E2F8: variants seen among roughly 807,000 people sequenced by gnomAD.
E2F8 encodes the protein transcription factor E2F8.
E2F8 carries 35 observed loss-of-function variants against 80.8 expected under a neutral mutation model. The ratio of observed to expected loss-of-function variants is 0.43; its 90% confidence interval spans 0.33 to 0.57. The LOEUF is 0.57. Ranked by LOEUF, E2F8 falls within the 20% of genes least tolerant of loss-of-function variation. E2F8 has a pLI of 0.04. For synonymous variants in E2F8, 386 were observed against 395.0 expected (o/e 0.98, Z 0.27); for missense variants, 975 against 1,056.2 (o/e 0.92, Z 1.07).
Position 19,230,723 on chromosome 11 carries a change from C to T in E2F8, c.1178G>A (p.Arg393Gln), listed in dbSNP as rs1382432966. Reference sequence around the variant, plus strand: ...TACCAATTTGATAAGAGATGGGTGTCGAGTAAAGTTTGGTTTCCCACGTGT... The same window carrying T: ...TACCAATTTGATAAGAGATGGGTGTTGAGTAAAGTTTGGTTTCCCACGTGT... ...FSTRGKPNFTRHPSLIKLVKS... is the reference protein window; with the variant it reads ...FSTRGKPNFTQHPSLIKLVKS... Residue 393 changes from arginine to glutamine, a missense_variant, in exon 8 of 13, where the codon CGA becomes CAA. By Grantham distance (43) the Arg-to-Gln change is conservative (BLOSUM62 1). Coordinates refer to ENST00000250024, the MANE Select transcript of E2F8 (RefSeq NM_024680.4). 5.0e-6 allele frequency: 8 copies of T among 1,614,048 alleles called. No homozygotes were observed. The highest frequency in any genetic ancestry group is 5.1e-6 in the Non-Finnish European group (6 of 1,180,004).
intron 10 of E2F8, among the ~76,000 whole-genome samples, chr11:19,227,789 A>G (rs1851273727): frequency 6.6e-6 from 1 of 152,250 alleles, no homozygotes; most frequent in South Asian, 2.1e-4. Context: ...CCATACTAAA[A>G]CGAAATGGTT....
intron 4 of E2F8, among the ~76,000 whole-genome samples, chr11:19,236,854 A>G (rs928872141): frequency 2.0e-5 from 3 of 152,222 alleles, no homozygotes; most frequent in Non-Finnish European, 4.4e-5. Context: ...GCCCAACACA[A>G]AACATTCAGA....
intron 12 of E2F8, 33 bp from the exon 13 acceptor site, chr11:19,224,873 T>G: frequency 6.2e-7 from 1 of 1,611,306 alleles, no homozygotes; most frequent in Non-Finnish European, 8.5e-7. Context: ...ACAAAAGAAG[T>G]CAACCACACA....
At position 19,229,358 on chromosome 11, in the gene E2F8, G is replaced by T; in HGVS notation, c.1893+96C>A. On this transcript the variant is annotated intron_variant, in intron 10 of 12. Coordinates refer to ENST00000250024, the MANE Select transcript of E2F8 (RefSeq NM_024680.4). This position sits in a 1 kb window ranked among gnomAD's most constrained non-coding sequence, Gnocchi z 4.3. ...GCTAAGGAACAGTTCCTTGTCTTCTGAGAGAATGCTCTTCGGTAAATTTCA... is the reference window on the plus strand; with the variant it reads ...GCTAAGGAACAGTTCCTTGTCTTCTTAGAGAATGCTCTTCGGTAAATTTCA... The T allele has an allele frequency of 6.8e-7, 1 of 1,477,482 alleles. No individual in the cohort carries two copies. The allele number at this position is 1,477,482 out of a possible 1,614,324, so 91.5% of individuals were successfully genotyped here. A position where few individuals can be genotyped will look rare whatever the true frequency, so the allele number is the denominator to read the frequency against.
Position 19,229,521 on chromosome 11 carries a change from A to C in E2F8, c.1826T>G (p.Met609Arg). 6.2e-7 allele frequency: 1 copy of C among 1,614,192 alleles called. No homozygotes were observed. The highest frequency in any genetic ancestry group is 8.5e-7 in the Non-Finnish European group (1 of 1,180,040). ...AGERGSKRAS[M>R]LEDSGSKKKF... ...CTTTTTGGAACCACTGTCCTCGAGC[A>C]TGCTTGCCCTCTTTGAGCCTCTTTC... Residue 609 changes from methionine to arginine, a missense_variant, in exon 10 of 13, where the codon ATG becomes AGG. Coordinates refer to ENST00000250024, the MANE Select transcript of E2F8 (RefSeq NM_024680.4). This position sits in a 1 kb window ranked among gnomAD's most constrained non-coding sequence, Gnocchi z 4.3.
At chr11:19,233,940 G>A (rs1249509368) in intron 6 of E2F8, among the ~76,000 whole-genome samples, 1 of 151,430 alleles carries the variant, frequency 6.6e-6, no homozygotes, top group Non-Finnish European at 1.5e-5. Flanking sequence ...ACGAGGTCAA[G>A]AGATCGAGAT....
At chr11:19,234,070 C>A (rs1851448493) in intron 6 of E2F8, among the ~76,000 whole-genome samples, 1 of 149,914 alleles carries the variant, frequency 6.7e-6, no homozygotes, top group African/African-American at 2.5e-5. Flanking sequence ...ATTGCTGGAA[C>A]CCGGGAGGCA....
rs763917035 is a variant in E2F8, at chr11:19,229,673, G to A, written c.1674C>T (p.Ser558=). 2 of 1,614,184 alleles carry A rather than the reference G, an allele frequency of 1.2e-6. No individual in the cohort carries two copies. Among genetic ancestry groups the A allele is most frequent in the African/African-American group, 2.7e-5 (2 of 75,040 alleles). Residue 558 remains serine, a synonymous_variant, in exon 10 of 13, where the codon TCC becomes TCT. Transcript: ENST00000250024. The surrounding 1 kb of genome is among the most constrained non-coding windows in gnomAD (Gnocchi z 4.3). ...CTGCCTTCTCAGTGGTGGCATCTGTGGAGTCTTTTGAGCCAGTAGCTTTAG... is the reference window on the plus strand; with the variant it reads ...CTGCCTTCTCAGTGGTGGCATCTGTAGAGTCTTTTGAGCCAGTAGCTTTAG... The part of the protein sequence containing the change: ...HSSKATGSKD[S]TDATTEKAAN...
At position 19,234,435 on chromosome 11, in the gene E2F8, C is replaced by G. The variant is rs945566125; in HGVS notation, c.853G>C (p.Val285Leu). Residue 285 changes from valine (V) to leucine (L), a missense_variant, in exon 6 of 13, where the codon GTA becomes CTA. Val to Leu is a conservative substitution (Grantham distance 32, BLOSUM62 1). Coordinates refer to ENST00000250024, the MANE Select transcript of E2F8 (RefSeq NM_024680.4). ...MLFLVSTPQI[V>L]SLEVAAKILI... ...ATCTTGGCAGCAACTTCTAGGCTTA[C>G]TATCTGAGGCGTTGACACCAAAAAC... The G allele has an allele frequency of 6.2e-7, 1 of 1,614,100 alleles. No individual in the cohort carries two copies.
rs756867715 is a variant in E2F8, at chr11:19,224,469, A to ACG, written c.*188_*189insCG. ...GCTAAACTTAGCTTTATACAAATATATGTGTGTGTGTGTGTGTGTGTGTGT... is the reference window on the plus strand; with the variant it reads ...GCTAAACTTAGCTTTATACAAATATACGTGTGTGTGTGTGTGTGTGTGTGTGT... On this transcript the variant is annotated 3_prime_UTR_variant, in exon 13 of 13. Coordinates refer to ENST00000250024, the MANE Select transcript of E2F8 (RefSeq NM_024680.4). 1 of 338,052 alleles carries ACG rather than the reference A, an allele frequency of 3.0e-6. No homozygotes were observed. Among genetic ancestry groups the ACG allele is most frequent in the Non-Finnish European group, 5.4e-6 (1 of 186,404 alleles). The allele number at this position is 338,052 out of a possible 1,614,324, so 20.9% of individuals were successfully genotyped here.
chr11:19,225,720 A>C lies in E2F8; in HGVS notation c.2026+12T>G. The stretch of plus-strand genomic sequence containing the variant: ...CCGGCCCACATCTGGTTAGTGTTTT[A>C]TGTGCACTCACCTGCAATTGGGGAG... On this transcript the variant is annotated intron_variant, in intron 11 of 12. Transcript: ENST00000250024. The C allele has an allele frequency of 6.2e-7, 1 of 1,614,134 alleles. No homozygotes were observed. Among genetic ancestry groups the C allele is most frequent in the Non-Finnish European group, 8.5e-7 (1 of 1,180,000 alleles).
Position 19,224,791 on chromosome 11 carries a change from A to G in E2F8, c.2471T>C (p.Phe824Ser), listed in dbSNP as rs529769987. 6.2e-7 allele frequency: 1 copy of G among 1,614,156 alleles called. No individual in the cohort carries two copies. Among genetic ancestry groups the G allele is most frequent in the South Asian group, 1.1e-5 (1 of 91,084 alleles). Reference protein sequence around the residue: ...KGSQLVAESFFRTPGGPTKPT... With the variant: ...KGSQLVAESFSRTPGGPTKPT... ...CTTGGTGGGTCCACCTGGGGTACGGAAGAAACTTTCGGCCACTAATTGTGA... is the reference window on the plus strand; with the variant it reads ...CTTGGTGGGTCCACCTGGGGTACGGGAGAAACTTTCGGCCACTAATTGTGA... Residue 824 changes from phenylalanine to serine, a missense_variant, in exon 13 of 13, where the codon TTC becomes TCC. Coordinates refer to ENST00000250024, the MANE Select transcript of E2F8 (RefSeq NM_024680.4).
chr11:19,240,029 T>G (rs565734042), intron 2 of E2F8, 78 bp downstream of exon 2: 1 of 1,207,698 alleles, frequency 8.3e-7, no homozygotes, highest in South Asian at 2.0e-5. Context: ...ACACATTGGA[T>G]AGGGAAAAAT....
chr11:19,238,733 G>A (rs1851587826), intron 2 of E2F8, among the ~76,000 whole-genome samples: 1 of 152,182 alleles, frequency 6.6e-6, no homozygotes, highest in Non-Finnish European at 1.5e-5. Context: ...CCAACAGCAG[G>A]ATTTCTGACC....
chr11:19,232,213 G>A, intron 7 of E2F8, 21 bp downstream of exon 7: 2 of 1,609,678 alleles, frequency 1.2e-6, no homozygotes, highest in East Asian at 2.2e-5. Context: ...AAAGCAGAGG[G>A]TGAAAGAAAA....
rs757690114 is a variant in E2F8 at position 19,230,000 on chromosome 11, G to T, written c.1359-12C>A. The T allele has an allele frequency of 6.2e-7, 1 of 1,612,414 alleles. No homozygotes were observed. Among genetic ancestry groups the T allele is most frequent in the Non-Finnish European group, 8.5e-7 (1 of 1,179,860 alleles). On this transcript the variant is annotated splice_polypyrimidine_tract_variant and intron_variant, in intron 9 of 12. Transcript: ENST00000250024. This position sits in a 1 kb window ranked among gnomAD's most constrained non-coding sequence, Gnocchi z 4.3. The stretch of plus-strand genomic sequence containing the variant: ...TCTGTCTGGATTCACTGAAAGACAA[G>T]ATTTAATACACGACATGATGGATAT...
At chr11:19,239,378 T>C (rs1851602971) in intron 2 of E2F8, among the ~76,000 whole-genome samples, 1 of 152,222 alleles carries the variant, frequency 6.6e-6, no homozygotes, top group African/African-American at 2.4e-5. Flanking sequence ...GCTTTTTCTT[T>C]GCCTCAGATT....
intron 7 of E2F8, 89 bp downstream of exon 7, chr11:19,232,145 G>A (rs1289135227): frequency 1.4e-5 from 22 of 1,538,558 alleles, no homozygotes; most frequent in East Asian, 2.3e-5. Flanking sequence ...CATGGACACA[G>A]GGAGGGGAAC....
chr11:19,231,710 T>G (rs1481468359), intron 7 of E2F8, among the ~76,000 whole-genome samples: 1 of 152,230 alleles, frequency 6.6e-6, no homozygotes, highest in Admixed American at 6.5e-5. Flanking sequence ...AATAGTGTTT[T>G]ATGCTTTGTG....
Sources: gnomAD v4.1 joint callset for allele counts (sites outside exome capture counted in the v4.1 genomes callset) on GRCh38, gnomAD v4.1.1 for gene constraint, Gnocchi (gnomAD v3.1) non-coding constraint, MANE v1.5 for transcripts, NCBI Gene and HGNC (gene_info 2026-07-23, HGNC 2026-07-21) for gene names.